DTX4: variants seen among roughly 807,000 people sequenced by gnomAD.
DTX4 encodes the protein E3 ubiquitin-protein ligase DTX4.
Under a neutral mutation model 57.6 loss-of-function variants are expected in DTX4, and 28 were observed. The observed-to-expected ratio is 0.49, with a 90% confidence interval of 0.36 to 0.67. DTX4 has a LOEUF of 0.67. DTX4 is among the 30% of genes least tolerant of loss of function. The pLI, the probability that DTX4 is intolerant of heterozygous loss-of-function variation, is 0.00. For missense variants in DTX4, 715 were observed against 836.8 expected, an observed-to-expected ratio of 0.85 and a Z score of 1.80; for synonymous variants, 316 against 331.0, an observed-to-expected ratio of 0.95 and a Z score of 0.49.
intron 1 of DTX4, among the ~76,000 whole-genome samples, chr11:59,177,228 C>A (rs1022083227): frequency 6.6e-6 from 1 of 152,138 alleles, no homozygotes; most frequent in Admixed American, 6.5e-5. Flanking sequence ...CTCAAGGTGG[C>A]CATTCACATG....
chr11:59,191,297 C>G, intron 5 of DTX4, 122 bp downstream of exon 5: 1 of 945,584 alleles, frequency 1.1e-6, no homozygotes, highest in Non-Finnish European at 1.6e-6. Context: ...GGATACAGAA[C>G]TGGTCAGAAC....
intron 4 of DTX4, among the ~76,000 whole-genome samples, chr11:59,189,871 G>A (rs1221008480): frequency 2.0e-5 from 3 of 152,076 alleles, no homozygotes; most frequent in Non-Finnish European, 2.9e-5. Flanking sequence ...CAGGCAATCC[G>A]GCAAATAAGG....
chr11:59,177,741 T>C (rs1206453326), intron 1 of DTX4, among the ~76,000 whole-genome samples: 1 of 152,252 alleles, frequency 6.6e-6, no homozygotes, highest in African/African-American at 2.4e-5. Flanking sequence ...TCTGAAACAC[T>C]GTCCTTTGCC....
chr11:59,206,509 G>GTACA lies in DTX4; in HGVS notation c.*1602_*1603insCATA, dbSNP rs1555026482. 1 of 142,254 alleles carries GTACA rather than the reference G, an allele frequency of 7.0e-6. No individual in the cohort carries two copies. Among genetic ancestry groups the GTACA allele is most frequent in the Non-Finnish European group, 1.5e-5 (1 of 65,956 alleles). The allele number at this position is 142,254 out of a possible 1,614,324, so 8.8% of individuals were successfully genotyped here. A position where few individuals can be genotyped will look rare whatever the true frequency, so the allele number is the denominator to read the frequency against. ...ATACCTCATGTTTTGGGGGTTTGAC[G>GTACA]TATATATATATATATATATATGCAT... On this transcript the variant is annotated 3_prime_UTR_variant, in exon 9 of 9. Transcript: ENST00000227451.
chr11:59,196,763 G>A (rs1862677107), intron 7 of DTX4, among the ~76,000 whole-genome samples: 1 of 152,098 alleles, frequency 6.6e-6, no homozygotes, highest in African/African-American at 2.4e-5. Flanking sequence ...AATGCCTGAT[G>A]ATCTGTCACT....
rs374506805 is a variant in DTX4 at position 59,183,815 on chromosome 11, C to A, written c.935+1353C>A. 1.4e-3 allele frequency among the ~76,000 whole-genome samples: 206 copies of A among 152,300 alleles called. 3 individuals are homozygous for A. The South Asian group carries it at 0.037, about 27-fold the overall frequency. Reference sequence around the variant, plus strand: ...ACAGAATCTTTGCAAGATCCAGTGGCCTTACCTACTGCATGGAGTTATCGT... The same window carrying A: ...ACAGAATCTTTGCAAGATCCAGTGGACTTACCTACTGCATGGAGTTATCGT... On this transcript the variant is annotated intron_variant, in intron 2 of 8. Coordinates refer to ENST00000227451, the MANE Select transcript of DTX4 (RefSeq NM_015177.2).
chr11:59,185,620 C>T lies in DTX4; in HGVS notation c.936-3115C>T, dbSNP rs560403168. Among the ~76,000 whole-genome samples, 256 of 152,288 alleles carry T rather than the reference C, an allele frequency of 1.7e-3. 1 individual carries two copies. The highest frequency in any genetic ancestry group is 2.8e-3 in the Admixed American group (43 of 15,306). On this transcript the variant is annotated intron_variant, in intron 2 of 8. Coordinates refer to ENST00000227451, the MANE Select transcript of DTX4 (RefSeq NM_015177.2). ...AAAAGGGTGTGACCAGCTGGGACTT[C>T]ATGGGCTGTTCTCCAAGGTTTAACC...
intron 1 of DTX4, among the ~76,000 whole-genome samples, chr11:59,173,202 A>G (rs1370692334): frequency 1.3e-5 from 2 of 152,068 alleles, no homozygotes; most frequent in Non-Finnish European, 2.9e-5. Flanking sequence ...GGCGGCCGGC[A>G]CCTTGGCTGA....
chr11:59,192,438 A>T (rs1372452548), intron 6 of DTX4, among the ~76,000 whole-genome samples, 188 bp downstream of exon 6: 1 of 152,060 alleles, frequency 6.6e-6, no homozygotes, highest in African/African-American at 2.4e-5. Context: ...TGCTGGTAAG[A>T]CCTGTCTTCA....
chr11:59,182,401 T>C lies in DTX4; in HGVS notation c.874T>C (p.Leu292=), dbSNP rs375108646. The C allele has an allele frequency of 9.6e-5, 155 of 1,613,574 alleles. No individual in the cohort carries two copies. The African/African-American group carries it at 2.0e-3, about 20-fold the overall frequency. ...GACCGGAAGGGTGGCCCTGGCCACC[T>C]TGAATCGTACCAACCTGCAGCGACT... ...SKTGRVALAT[L]NRTNLQRLAI... is the part of the protein sequence containing the mutation. Residue 292 remains leucine, a synonymous_variant, in exon 2 of 9, where the codon TTG becomes CTG. Coordinates refer to ENST00000227451, the MANE Select transcript of DTX4 (RefSeq NM_015177.2).
intron 2 of DTX4, among the ~76,000 whole-genome samples, chr11:59,184,090 T>C (rs1372068921): frequency 6.6e-6 from 1 of 152,242 alleles, no homozygotes; most frequent in East Asian, 1.9e-4. Flanking sequence ...CATGAGATTT[T>C]CATGACTTCC....
At chr11:59,174,954 T>C (rs903871975) in intron 1 of DTX4, among the ~76,000 whole-genome samples, 4 of 152,196 alleles carry the variant, frequency 2.6e-5, no homozygotes, top group African/African-American at 4.8e-5. Context: ...CGCCAGGCCC[T>C]GTGCTGGGTG....
At position 59,182,081 on chromosome 11, in the gene DTX4, C is replaced by T. The variant is rs1318616373; in HGVS notation, c.554C>T (p.Pro185Leu). The T allele has an allele frequency of 1.2e-6, 2 of 1,612,560 alleles. No individual in the cohort carries two copies. Among genetic ancestry groups the T allele is most frequent in the Non-Finnish European group, 1.7e-6 (2 of 1,179,166 alleles). Reference sequence around the variant, plus strand: ...AGCCCTGGGCCAGCCACCTCGCCCCCCATGTCCCCCTGCTCCTGTCCCCAG... The same window carrying T: ...AGCCCTGGGCCAGCCACCTCGCCCCTCATGTCCCCCTGCTCCTGTCCCCAG... ...PVSPGPATSP[P>L]MSPCSCPQCV... Residue 185 changes from proline to leucine, a missense_variant, in exon 2 of 9, where the codon CCC becomes CTC. By Grantham distance (98) the Pro-to-Leu change is moderately conservative. Transcript: ENST00000227451.
At position 59,189,154 on chromosome 11, in the gene DTX4, C is replaced by A; in HGVS notation, c.998-8C>A. 6.2e-7 allele frequency: 1 copy of A among 1,612,958 alleles called. No homozygotes were observed. The highest frequency in any genetic ancestry group is 2.2e-5 in the East Asian group (1 of 44,874). ...AGTCTTTCCTCACCCATGCCCTGCC[C>A]CTTCCAGGAATCACTGGGATCCTCA... On this transcript the variant is annotated splice_polypyrimidine_tract_variant and splice_region_variant and intron_variant, in intron 3 of 8. Transcript: ENST00000227451.
At chr11:59,185,939 C>G (rs1488073702) in intron 2 of DTX4, among the ~76,000 whole-genome samples, 1 of 152,110 alleles carries the variant, frequency 6.6e-6, no homozygotes, top group Non-Finnish European at 1.5e-5. Flanking sequence ...TAGATATGGT[C>G]AACAGAACGC....
chr11:59,203,804 A>G (rs565693194), intron 8 of DTX4, among the ~76,000 whole-genome samples: 36 of 152,362 alleles, frequency 2.4e-4, no homozygotes, highest in Middle Eastern at 3.4e-3. Flanking sequence ...ATATCATCTG[A>G]TTACTGTAAC....
chr11:59,197,958 G>A (rs879263077), intron 7 of DTX4, among the ~76,000 whole-genome samples: 1 of 152,120 alleles, frequency 6.6e-6, no homozygotes, highest in Non-Finnish European at 1.5e-5. Flanking sequence ...CGGGTACCAC[G>A]GTGGCTCCTC....
intron 1 of DTX4, among the ~76,000 whole-genome samples, chr11:59,179,905 CACACATACACACACAG>C (rs1862442286): frequency 6.6e-6 from 1 of 151,714 alleles, no homozygotes; most frequent in Non-Finnish European, 1.5e-5. Context: ...TACCACCCTA[CACACATACACACACAG>C]ACACACACAC....
chr11:59,177,006 T>A (rs978026419), intron 1 of DTX4, among the ~76,000 whole-genome samples: 2 of 152,196 alleles, frequency 1.3e-5, no homozygotes, highest in Middle Eastern at 3.2e-3. Flanking sequence ...TCTCTGACTC[T>A]CTGTAGCGTT....
Sources: gnomAD v4.1 joint callset for allele counts (sites outside exome capture counted in the v4.1 genomes callset) on GRCh38, gnomAD v4.1.1 for gene constraint, MANE v1.5 for transcripts, NCBI Gene and HGNC (gene_info 2026-07-23, HGNC 2026-07-21) for gene names.